TMEM135: variants seen among roughly 807,000 people sequenced by gnomAD.
TMEM135 encodes peroxisomal membrane protein 52.
Under a neutral mutation model 60.3 loss-of-function variants are expected in TMEM135, and 30 were observed. The observed-to-expected ratio is 0.50, with a 90% CI of 0.37 to 0.68. The LOEUF is 0.68. Ranked by LOEUF, TMEM135 falls within the 30% of genes least tolerant of loss-of-function variation. The pLI, the probability that TMEM135 is intolerant of heterozygous loss-of-function variation, is 0.00. For missense variants in TMEM135, 468 were observed against 548.8 expected, an observed-to-expected ratio of 0.85 and a Z score of 1.47; for synonymous variants, 190 against 186.7, an observed-to-expected ratio of 1.02 and a Z score of -0.14.
intron 6 of TMEM135, among the ~76,000 whole-genome samples, chr11:87,246,569 C>G (rs1348324263): frequency 6.6e-6 from 1 of 151,982 alleles, no homozygotes; most frequent in Non-Finnish European, 1.5e-5. Flanking sequence ...TCTTTTTTCT[C>G]TAAACTTCCC....
In TMEM135 at chr11:87,326,397, C is replaced by T. The variant is rs982895663; in HGVS notation, c.*5064C>T. Reference sequence around the variant, plus strand: ...AGTTAATTTTCGAAGTCTAGTTCTTCAGTGTCTATTAAACTTTTTCCAGTA... The same window carrying T: ...AGTTAATTTTCGAAGTCTAGTTCTTTAGTGTCTATTAAACTTTTTCCAGTA... On this transcript the variant is annotated 3_prime_UTR_variant, in exon 15 of 15. Transcript: ENST00000305494. 4 of 453,952 alleles carry T rather than the reference C, an allele frequency of 8.8e-6. No individual in the cohort carries two copies. Among genetic ancestry groups the T allele is most frequent in the African/African-American group, 8.0e-5 (4 of 49,992 alleles). The allele number at this position is 453,952 out of a possible 1,614,324, so 28.1% of individuals were successfully genotyped here.
At chr11:87,180,893 T>C (rs1939497289) in intron 5 of TMEM135, among the ~76,000 whole-genome samples, 1 of 152,212 alleles carries the variant, frequency 6.6e-6, no homozygotes, top group Non-Finnish European at 1.5e-5. Flanking sequence ...CTCCCTCCCC[T>C]TTCTGGGATA....
At position 87,325,321 on chromosome 11, in the gene TMEM135, A is replaced by G; in HGVS notation, c.*3988A>G. The G allele has an allele frequency of 2.2e-6, 1 of 454,122 alleles. No individual in the cohort carries two copies. The highest frequency in any genetic ancestry group is 4.4e-6 in the Non-Finnish European group (1 of 226,786). The allele number at this position is 454,122 out of a possible 1,614,324, so 28.1% of individuals were successfully genotyped here. On this transcript the variant is annotated 3_prime_UTR_variant, in exon 15 of 15. Coordinates refer to ENST00000305494, the MANE Select transcript of TMEM135 (RefSeq NM_022918.4). ...GCAGTAAGTTGGCCATGATATAGCT[A>G]GTGTCATAGGACTACAGCAGAGTAG...
chr11:87,104,841 G>T (rs576254285), intron 4 of TMEM135, among the ~76,000 whole-genome samples: 2 of 152,140 alleles, frequency 1.3e-5, no homozygotes, highest in African/African-American at 2.4e-5. Context: ...GGTTTTTAGT[G>T]TATAAGATCA....
intron 5 of TMEM135, among the ~76,000 whole-genome samples, chr11:87,205,362 T>A (rs1002756223): frequency 1.3e-5 from 2 of 152,168 alleles, no homozygotes; most frequent in Non-Finnish European, 2.9e-5. Context: ...TGAGTAAGCA[T>A]GATGTGGTGA....
chr11:87,184,072 A>G (rs1296643153), intron 5 of TMEM135, among the ~76,000 whole-genome samples: 1 of 152,038 alleles, frequency 6.6e-6, no homozygotes, highest in Non-Finnish European at 1.5e-5. Flanking sequence ...ATATTTTTCA[A>G]GTATTTTAGA....
At chr11:87,285,161 G>T (rs989017069) in intron 6 of TMEM135, among the ~76,000 whole-genome samples, 2 of 152,188 alleles carry the variant, frequency 1.3e-5, no homozygotes, top group Admixed American at 1.3e-4. Flanking sequence ...ATGTACAATT[G>T]TTGATCATGT....
At chr11:87,043,326 C>T (rs1481343900) in intron 1 of TMEM135, among the ~76,000 whole-genome samples, 1 of 151,922 alleles carries the variant, frequency 6.6e-6, no homozygotes, top group Non-Finnish European at 1.5e-5. Context: ...TATGCATGTA[C>T]CAAAAATATA....
At chr11:87,207,046 G>A (rs1013217153) in intron 5 of TMEM135, among the ~76,000 whole-genome samples, 3 of 152,104 alleles carry the variant, frequency 2.0e-5, no homozygotes, top group African/African-American at 7.2e-5. Flanking sequence ...AGCTGCCAAA[G>A]TGGTAGCTAG....
chr11:87,083,287 A>G (rs150327283), intron 3 of TMEM135, among the ~76,000 whole-genome samples: 1 of 152,250 alleles, frequency 6.6e-6, no homozygotes, highest in African/African-American at 2.4e-5. Context: ...GGTAACATCT[A>G]GTTTATCTGT....
rs1173660646 is a variant in TMEM135, at chr11:87,063,691, T to C, written c.142-4003T>C. Among the ~76,000 whole-genome samples, 5 of 152,206 alleles carry C rather than the reference T, an allele frequency of 3.3e-5. No homozygotes were observed. In the East Asian group the frequency reaches 9.6e-4, roughly 29 times the overall value. On this transcript the variant is annotated intron_variant, in intron 1 of 14. Transcript: ENST00000305494. ...AACTAGACTACTGAGAGGATCATTA[T>C]TTTAGCCACTTGTAAACCTTGGTTA...
At chr11:87,131,090 T>C (rs1022535882) in intron 4 of TMEM135, among the ~76,000 whole-genome samples, 6 of 152,168 alleles carry the variant, frequency 3.9e-5, no homozygotes, top group Non-Finnish European at 8.8e-5. Context: ...GTTTTTGCTT[T>C]ATAGAAACCT....
chr11:87,093,681 C>T lies in TMEM135; in HGVS notation c.396+2286C>T, dbSNP rs554985034. 5.4e-4 allele frequency among the ~76,000 whole-genome samples: 82 copies of T among 152,006 alleles called. 1 individual carries two copies. The highest frequency in any genetic ancestry group is 8.1e-4 in the Non-Finnish European group (55 of 68,020). ...GAGTAGCTGGGATTACAGGTGTGCA[C>T]CATCACGCCTGGCTAATTTTTTCTG... On this transcript the variant is annotated intron_variant, in intron 4 of 14. Transcript: ENST00000305494.
intron 5 of TMEM135, among the ~76,000 whole-genome samples, chr11:87,167,664 G>C (rs879256158): frequency 2.6e-5 from 4 of 152,154 alleles, no homozygotes; most frequent in Non-Finnish European, 4.4e-5. Context: ...AAGCTGACTT[G>C]ATCATGGTGG....
intron 4 of TMEM135, among the ~76,000 whole-genome samples, chr11:87,101,813 A>C (rs567979905): frequency 6.6e-6 from 1 of 152,260 alleles, no homozygotes; most frequent in South Asian, 2.1e-4. Context: ...GTCTCTACTA[A>C]AAAAACAAAA....
chr11:87,313,482 A>G lies in TMEM135; in HGVS notation c.994A>G (p.Ile332Val). Residue 332 changes from isoleucine (I) to valine (V), a missense_variant, in exon 11 of 15, where the codon ATA becomes GTA. Coordinates refer to ENST00000305494, the MANE Select transcript of TMEM135 (RefSeq NM_022918.4). The stretch of plus-strand genomic sequence containing the variant: ...CTTAGATGATGAACTACATGCTATT[A>G]TAGCTGGTAAAGCAATAATAAAAAT... ...RNLDDELHAIIAGFLAGISMM... is the reference protein window; with the variant it reads ...RNLDDELHAIVAGFLAGISMM... 6 of 1,609,982 alleles carry G rather than the reference A, an allele frequency of 3.7e-6. No homozygotes were observed. Among genetic ancestry groups the G allele is most frequent in the Non-Finnish European group, 4.2e-6 (5 of 1,176,938 alleles).
intron 5 of TMEM135, among the ~76,000 whole-genome samples, chr11:87,180,701 G>A (rs913237112): frequency 6.6e-6 from 1 of 152,158 alleles, no homozygotes; most frequent in African/African-American, 2.4e-5. Flanking sequence ...AAAGACTTGG[G>A]AAACTGAATT....
chr11:87,199,970 A>G (rs1940057470), intron 5 of TMEM135, among the ~76,000 whole-genome samples: 1 of 152,160 alleles, frequency 6.6e-6, no homozygotes, highest in Admixed American at 6.5e-5. Flanking sequence ...TAAAGCCATT[A>G]GAGAAATTTG....
intron 1 of TMEM135, among the ~76,000 whole-genome samples, chr11:87,044,847 C>A (rs1038466709): frequency 6.6e-6 from 1 of 151,184 alleles, no homozygotes; most frequent in Non-Finnish European, 1.5e-5. Flanking sequence ...GTGGGTTTCA[C>A]CGTATTGGCC....
Sources: gnomAD v4.1 joint callset for allele counts (sites outside exome capture counted in the v4.1 genomes callset) on GRCh38, gnomAD v4.1.1 for gene constraint, MANE v1.5 for transcripts, NCBI Gene and HGNC (gene_info 2026-07-23, HGNC 2026-07-21) for gene names.